The following CLCNKB variants were observed in gnomAD, a reference collection of about 807,000 sequenced individuals.
CLCNKB encodes chloride voltage-gated channel Kb, also known as chloride channel protein ClC-Kb.
A neutral mutation model predicts 83.8 loss-of-function variants in CLCNKB; 74 were observed. That is an observed-to-expected ratio of 0.88 (90% CI 0.73 to 1.07). The LOEUF (loss-of-function observed/expected upper bound fraction) is 1.07, where lower values mean the gene tolerates loss of function less well. Among genes scored for constraint, CLCNKB ranks in the 50% least tolerant of loss-of-function variants. The pLI, the probability that CLCNKB is intolerant of heterozygous loss-of-function variation, is 0.00. For missense variants in CLCNKB, 798 were observed against 893.6 expected, an observed-to-expected ratio of 0.89 and a Z score of 1.36; for synonymous variants, 358 against 356.6, an observed-to-expected ratio of 1.00 and a Z score of -0.04.
At chr1:16,051,419 C>T (rs2023286276) in intron 12 of CLCNKB, 59 bp from the exon 13 acceptor site, 1 of 1,589,964 alleles carries the variant, frequency 6.3e-7, no homozygotes, top group Non-Finnish European at 8.6e-7. Context: ...CCTGTCCTCC[C>T]TTGTCCACGC....
chr1:16,049,188 G>A lies in CLCNKB; in HGVS notation c.724G>A (p.Ala242Thr). Residue 242 changes from alanine to threonine, a missense_variant, in exon 8 of 20, where the codon GCG (alanine) becomes ACG (threonine). Ala to Thr is a moderately conservative substitution (Grantham distance 58, BLOSUM62 0). Transcript: ENST00000375679. ...CTGGGATTACTGGAGGGGCTTCTTT[G>A]CGGCCACCTGCGGGGCCTTCATGTT... ...SVWDYWRGFF[A>T]ATCGAFMFRL... The A allele has an allele frequency of 6.2e-7, 1 of 1,613,564 alleles. No individual in the cohort carries two copies. Among genetic ancestry groups the A allele is most frequent in the African/African-American group, 1.3e-5 (1 of 75,024 alleles).
rs767881428 is a variant in CLCNKB at position 16,056,442 on chromosome 1, G to A, written c.1950G>A (p.Leu650=). 4.3e-6 allele frequency: 7 copies of A among 1,614,090 alleles called. No individual in the cohort carries two copies. Among genetic ancestry groups the A allele is most frequent in the Non-Finnish European group, 5.9e-6 (7 of 1,180,004 alleles). ...SLHEAHNLFE[L]LNLHSLFVTS... ...TCCAGGCACACAACCTCTTTGAGCT[G>A]TTGAACCTTCATTCCCTCTTTGTGA... The change falls in exon 19 of 20, where the codon CTG becomes CTA. Residue 650 remains leucine (L), a synonymous_variant. Coordinates refer to ENST00000375679, the MANE Select transcript of CLCNKB (RefSeq NM_000085.5).
In CLCNKB at chr1:16,055,531, C is replaced by T; in HGVS notation, c.1845+8C>T. The T allele has an allele frequency of 6.5e-7, 1 of 1,534,660 alleles. No homozygotes were observed. On this transcript the variant is annotated splice_region_variant and intron_variant, in intron 17 of 19. Transcript: ENST00000375679. ...TGGGCTCCTGGACACCAGGTGGGTA[C>T]TCCTGAGGGGCATGGGGATGGGGCG... is the stretch of plus-strand genomic sequence containing the variant.
intron 10 of CLCNKB, among the ~76,000 whole-genome samples, chr1:16,050,166 C>T (rs2023242926): frequency 6.6e-6 from 1 of 150,940 alleles, no homozygotes; most frequent in Admixed American, 6.6e-5. Context: ...AACCCCAACC[C>T]CCTCACTGAC....
intron 19 of CLCNKB, 126 bp from the exon 20 acceptor site, chr1:16,056,743 G>A (rs1040397125): frequency 1.5e-5 from 15 of 977,960 alleles, no homozygotes; most frequent in Non-Finnish European, 2.4e-5. Context: ...TCCCATCTGT[G>A]CAATGGGGTG....
intron 2 of CLCNKB, among the ~76,000 whole-genome samples, chr1:16,044,967 G>T (rs909336417): frequency 1.6e-4 from 24 of 152,202 alleles, no homozygotes; most frequent in Admixed American, 1.6e-3. Context: ...TTTCCTTGGA[G>T]CCCCATGTGC....
rs1433144255 is a variant in CLCNKB, at chr1:16,056,908, C to T, written c.2056C>T (p.Pro686Ser). Residue 686 changes from proline to serine, a missense_variant, in exon 20 of 20, where the codon CCA becomes TCA. Coordinates refer to ENST00000375679, the MANE Select transcript of CLCNKB (RefSeq NM_000085.5). Reference protein sequence around the residue: ...AISNLTNPPAPK With the variant: ...AISNLTNPPASK ...TTCCAACCTGACAAATCCGCCAGCCCCAAAGTGAGCCGGCCCAGCAAGATG... is the reference window on the plus strand; with the variant it reads ...TTCCAACCTGACAAATCCGCCAGCCTCAAAGTGAGCCGGCCCAGCAAGATG... 1.1e-5 allele frequency: 18 copies of T among 1,612,940 alleles called. No individual in the cohort carries two copies. Among genetic ancestry groups the T allele is most frequent in the Non-Finnish European group, 1.4e-5 (16 of 1,179,586 alleles).
chr1:16,054,511 G>T lies in CLCNKB; in HGVS notation c.1756+739G>T, dbSNP rs145187855. Among the ~76,000 whole-genome samples the T allele has an allele frequency of 3.4e-3, 522 of 152,262 alleles. 2 individuals carry two copies. Among genetic ancestry groups the T allele is most frequent in the Admixed American group, 8.8e-3 (135 of 15,294 alleles). On this transcript the variant is annotated intron_variant, in intron 16 of 19. Coordinates refer to ENST00000375679, the MANE Select transcript of CLCNKB (RefSeq NM_000085.5). ...AAAGAACTGTGAGTATACCACTTAA[G>T]CTCTATGTACTGCATTTTCATCATC...
Position 16,054,065 on chromosome 1 carries a change from G to A in CLCNKB, c.1756+293G>A, listed in dbSNP as rs10803413. On this transcript the variant is annotated intron_variant, in intron 16 of 19. Coordinates refer to ENST00000375679, the MANE Select transcript of CLCNKB (RefSeq NM_000085.5). Reference sequence around the variant, plus strand: ...CATGGGGACACCACCAGGGTCTTCCGGAAGCTTCCCTTCAGGCCTCCCTTT... The same window carrying A: ...CATGGGGACACCACCAGGGTCTTCCAGAAGCTTCCCTTCAGGCCTCCCTTT... Among the ~76,000 whole-genome samples, 63,966 of 151,806 alleles carry A rather than the reference G, an allele frequency of 0.42. 14,316 individuals carry two copies. The highest frequency in any genetic ancestry group is 0.81 in the East Asian group (4,163 of 5,162).
At chr1:16,049,053 G>C (rs2023195494) in intron 7 of CLCNKB, 67 bp from the exon 8 acceptor site, 1 of 1,612,826 alleles carries the variant, frequency 6.2e-7, no homozygotes, top group Non-Finnish European at 8.5e-7. Context: ...GGTGACATGG[G>C]GAGGGGGTCC....
At chr1:16,045,795 G>A in intron 3 of CLCNKB, 109 bp downstream of exon 3, 1 of 1,096,692 alleles carries the variant, frequency 9.1e-7, no homozygotes, top group South Asian at 1.3e-5. Flanking sequence ...GGGTGCTCTG[G>A]GTGGGGATCT....
rs1260198649 is a variant in CLCNKB, at chr1:16,044,527, CA to C, written c.36del (p.Asn14ThrfsTer3). 6.8e-6 allele frequency: 11 copies of C among 1,606,824 alleles called. No homozygotes were observed. The highest frequency in any genetic ancestry group is 9.3e-6 in the Non-Finnish European group (11 of 1,177,516). Reference protein sequence around the residue: ...EEFVGLREGSSGNPVTLQELW... With the variant: ...EEFVGLREGSXGNPVTLQELW... ...TTTGTGGGGCTGCGTGAAGGCTCCT[CA>C]GGGAACCCTGTGACTCTGCAGGAGC... On this transcript the variant is annotated frameshift_variant, in exon 2 of 20. Transcript: ENST00000375679. LOFTEE classifies it high-confidence loss of function.
chr1:16,051,632 C>T, intron 13 of CLCNKB, 78 bp from the exon 14 acceptor site: 2 of 1,605,080 alleles, frequency 1.2e-6, no homozygotes, highest in Non-Finnish European at 1.7e-6. Flanking sequence ...CCAGGTTGTA[C>T]TGAGGACGGT....
At chr1:16,051,122 G>C (rs1244360103) in intron 12 of CLCNKB, 74 bp downstream of exon 12, 1 of 1,606,446 alleles carries the variant, frequency 6.2e-7, no homozygotes, top group African/African-American at 1.3e-5. Flanking sequence ...CCTCATCGCA[G>C]CTGGTGGCAT....
intron 15 of CLCNKB, among the ~76,000 whole-genome samples, chr1:16,052,717 CAG>C (rs1178191162): frequency 6.6e-6 from 1 of 152,186 alleles, no homozygotes; most frequent in Non-Finnish European, 1.5e-5. Flanking sequence ...CCAGGTGACA[CAG>C]AGAGTCAGCA....
chr1:16,055,892 C>G (rs1398403869), intron 18 of CLCNKB, 134 bp downstream of exon 18: 2 of 816,428 alleles, frequency 2.4e-6, no homozygotes, highest in Non-Finnish European at 4.1e-6. Context: ...CCTCCTGGGC[C>G]AGTGTCCTCA....
Position 16,052,233 on chromosome 1 carries a change from A to T in CLCNKB, c.1444A>T (p.Ile482Phe). 1 of 1,613,110 alleles carries T rather than the reference A, an allele frequency of 6.2e-7. No homozygotes were observed. Among genetic ancestry groups the T allele is most frequent in the Non-Finnish European group, 8.5e-7 (1 of 1,179,982 alleles). ...AAFSGAVTHT[I>F]STALLAFEVT... Reference sequence around the variant, plus strand: ...CTTCTCAGGGGCTGTGACCCACACCATCTCCACGGCGCTGCTGGCCTTCGA... The same window carrying T: ...CTTCTCAGGGGCTGTGACCCACACCTTCTCCACGGCGCTGCTGGCCTTCGA... The change falls in exon 15 of 20, where the codon ATC (isoleucine) becomes TTC (phenylalanine). Residue 482 changes from isoleucine to phenylalanine, a missense_variant. Physicochemically the swap from Ile to Phe is conservative, Grantham distance 21. Coordinates refer to ENST00000375679, the MANE Select transcript of CLCNKB (RefSeq NM_000085.5).
chr1:16,049,093 C>A (rs2023198926), intron 7 of CLCNKB, 27 bp from the exon 8 acceptor site: 1 of 1,613,334 alleles, frequency 6.2e-7, no homozygotes, highest in African/African-American at 1.3e-5. Flanking sequence ...GGGTGGAGGG[C>A]CCACCTGAGA....
chr1:16,046,758 A>G, intron 4 of CLCNKB, 95 bp downstream of exon 4: 4 of 1,497,844 alleles, frequency 2.7e-6, no homozygotes, highest in Non-Finnish European at 3.7e-6. Context: ...TCACAGACAA[A>G]GGCCCAGGAA....
Sources: gnomAD v4.1 joint callset for allele counts (sites outside exome capture counted in the v4.1 genomes callset) on GRCh38, gnomAD v4.1.1 for gene constraint, MANE v1.5 for transcripts, NCBI Gene and HGNC (gene_info 2026-07-23, HGNC 2026-07-21) for gene names.